NRG3: variants seen among roughly 807,000 people sequenced by gnomAD.
NRG3 encodes neuregulin 3.
In NRG3, 31 loss-of-function variants were observed where a neutral mutation model predicts 66.9. That is an observed-to-expected ratio of 0.46 (90% confidence interval 0.35 to 0.63). The LOEUF (loss-of-function observed/expected upper bound fraction) is 0.63. NRG3 is among the 20% of genes least tolerant of loss of function. The pLI is 0.00. For missense variants in NRG3, 910 were observed against 878.9 expected (o/e 1.04, Z -0.45); for synonymous variants, 393 against 359.4 (o/e 1.09, Z -1.06).
At chr10:82,071,907 CTTAA>C (rs2064827148) in intron 1 of NRG3, among the ~76,000 whole-genome samples, 1 of 152,046 alleles carries the variant, frequency 6.6e-6, no homozygotes, top group African/African-American at 2.4e-5. Flanking sequence ...GTTTGAATGT[CTTAA>C]TTTTATTTTT....
At chr10:82,193,500 G>A (rs2074276972) in intron 1 of NRG3, among the ~76,000 whole-genome samples, 1 of 152,192 alleles carries the variant, frequency 6.6e-6, no homozygotes, top group Admixed American at 6.5e-5. Context: ...TGATTGTAGA[G>A]GAACAAGAAA....
intron 2 of NRG3, among the ~76,000 whole-genome samples, chr10:82,532,855 C>G (rs1401869628): frequency 6.6e-6 from 1 of 151,424 alleles, no homozygotes; most frequent in East Asian, 1.9e-4. Flanking sequence ...CAAATTTTTT[C>G]CATTGATGCC....
intron 1 of NRG3, among the ~76,000 whole-genome samples, chr10:81,892,777 A>C (rs1843153611): frequency 6.6e-6 from 1 of 152,212 alleles, no homozygotes; most frequent in African/African-American, 2.4e-5. Flanking sequence ...GACTGTAGTC[A>C]AAAATAAGTT....
intron 1 of NRG3, among the ~76,000 whole-genome samples, chr10:81,881,588 A>G (rs1361062288): frequency 6.6e-6 from 1 of 152,184 alleles, no homozygotes; most frequent in Non-Finnish European, 1.5e-5. Flanking sequence ...TATATGTCAC[A>G]TGTTTCAAAT....
intron 1 of NRG3, among the ~76,000 whole-genome samples, chr10:82,228,698 A>G (rs1660056533): frequency 6.6e-6 from 1 of 152,338 alleles, no homozygotes; most frequent in Non-Finnish European, 1.5e-5. Flanking sequence ...ATTAATTTAA[A>G]ATAACTAGAA....
intron 3 of NRG3, among the ~76,000 whole-genome samples, chr10:82,784,798 G>A (rs1423203466): frequency 2.0e-5 from 3 of 151,958 alleles, no homozygotes; most frequent in Non-Finnish European, 4.4e-5. Context: ...TCAGTGTGGC[G>A]ATTCCTCAGG....
chr10:82,936,517 A>G (rs1848082030), intron 4 of NRG3, among the ~76,000 whole-genome samples: 1 of 152,148 alleles, frequency 6.6e-6, no homozygotes, highest in South Asian at 2.1e-4. Flanking sequence ...GATAGAAGGA[A>G]TAAGTTCAAG....
intron 3 of NRG3, among the ~76,000 whole-genome samples, chr10:82,778,115 T>G (rs1259054850): frequency 2.0e-5 from 3 of 152,174 alleles, no homozygotes; most frequent in Non-Finnish European, 4.4e-5. Flanking sequence ...ATTAGATTGC[T>G]TCAGGCACTG....
chr10:82,300,557 A>G (rs2080339531), intron 1 of NRG3, among the ~76,000 whole-genome samples: 1 of 152,172 alleles, frequency 6.6e-6, no homozygotes, highest in Non-Finnish European at 1.5e-5. Flanking sequence ...AGGCATAGCT[A>G]AGAAAAGAAG....
intron 1 of NRG3, among the ~76,000 whole-genome samples, chr10:82,231,773 A>G (rs980521260): frequency 6.6e-6 from 1 of 152,206 alleles, no homozygotes; most frequent in Admixed American, 6.5e-5. Context: ...GAAGACCACT[A>G]AAACATGATT....
chr10:82,432,942 A>G (rs188438060), intron 2 of NRG3, among the ~76,000 whole-genome samples: 3 of 152,134 alleles, frequency 2.0e-5, no homozygotes, highest in Admixed American at 6.5e-5. Context: ...ATGTGTCTGT[A>G]TAGTAGAATG....
At chr10:82,289,490 A>G (rs867743708) in intron 1 of NRG3, among the ~76,000 whole-genome samples, 33 of 152,356 alleles carry the variant, frequency 2.2e-4, no homozygotes, top group Middle Eastern at 6.8e-3. Flanking sequence ...GAAAGAAATA[A>G]TAGTAGATTA....
chr10:82,629,986 C>T (rs2049703234), intron 2 of NRG3, among the ~76,000 whole-genome samples: 1 of 152,070 alleles, frequency 6.6e-6, no homozygotes. Flanking sequence ...TTCTGGGGAA[C>T]TGACACCAAA....
intron 1 of NRG3, among the ~76,000 whole-genome samples, chr10:82,108,525 T>G (rs755622733): frequency 2.0e-5 from 3 of 152,200 alleles, no homozygotes; most frequent in Non-Finnish European, 4.4e-5. Flanking sequence ...GCCATGAAGC[T>G]TTGCTAATTA....
chr10:82,441,211 A>C (rs1278836396), intron 2 of NRG3, among the ~76,000 whole-genome samples: 1 of 152,256 alleles, frequency 6.6e-6, no homozygotes, highest in South Asian at 2.1e-4. Context: ...TACCAAGGAG[A>C]GAAACATATG....
chr10:82,438,360 G>A (rs952163029), intron 2 of NRG3, among the ~76,000 whole-genome samples: 5 of 152,344 alleles, frequency 3.3e-5, no homozygotes, highest in Admixed American at 2.0e-4. Flanking sequence ...GTTGGGCTGT[G>A]GGGACAAGTC....
intron 1 of NRG3, among the ~76,000 whole-genome samples, chr10:81,931,960 A>G (rs1847392692): frequency 1.3e-5 from 2 of 152,188 alleles, no homozygotes; most frequent in African/African-American, 2.4e-5. Flanking sequence ...TGTATAAGCC[A>G]TTCTTGTGTT....
chr10:82,798,577 C>T (rs1260427576), intron 3 of NRG3, among the ~76,000 whole-genome samples: 1 of 152,124 alleles, frequency 6.6e-6, no homozygotes, highest in East Asian at 1.9e-4. Flanking sequence ...TACAAGGAAA[C>T]ACCCCAAAGG....
At chr10:82,144,859 C>A (rs554720019) in intron 1 of NRG3, among the ~76,000 whole-genome samples, 4 of 152,318 alleles carry the variant, frequency 2.6e-5, no homozygotes, top group Non-Finnish European at 5.9e-5. Context: ...AACTGAAGAT[C>A]AGTTGTAATG....
Sources: gnomAD v4.1 joint callset for allele counts (sites outside exome capture counted in the v4.1 genomes callset) on GRCh38, gnomAD v4.1.1 for gene constraint, MANE v1.5 for transcripts, NCBI Gene and HGNC (gene_info 2026-07-23, HGNC 2026-07-21) for gene names.